Variants in RFX7 observed in about 807,000 individuals in gnomAD.
RFX7 encodes the protein DNA-binding protein RFX7.
In RFX7, 26 loss-of-function variants were observed where a neutral mutation model predicts 111.8. The observed-to-expected ratio is 0.23, with a 90% CI of 0.17 to 0.32. The LOEUF is 0.32. Ranked by LOEUF, RFX7 falls within the 10% of genes least tolerant of loss-of-function variation. The pLI, the probability that RFX7 is intolerant of heterozygous loss-of-function variation, is 1.00. For missense variants in RFX7, 1,573 were observed against 1,772.9 expected (o/e 0.89, Z 2.02); for synonymous variants, 624 against 624.4 (o/e 1.00, Z 0.01).
intron 3 of RFX7, among the ~76,000 whole-genome samples, chr15:56,150,384 G>C (rs1347167654): frequency 1.3e-5 from 2 of 152,196 alleles, no homozygotes; most frequent in Admixed American, 6.5e-5. Flanking sequence ...CCCAGATGGG[G>C]CCGACAGACA....
chr15:56,240,504 A>C (rs1488020716), intron 2 of RFX7, among the ~76,000 whole-genome samples: 1 of 152,178 alleles, frequency 6.6e-6, no homozygotes, highest in Non-Finnish European at 1.5e-5. Flanking sequence ...ATTTCAGTTT[A>C]ATAAACAGAG....
chr15:56,142,949 C>T (rs750820189), intron 4 of RFX7, 49 bp from the exon 5 acceptor site: 19 of 1,601,432 alleles, frequency 1.2e-5, no homozygotes, highest in East Asian at 6.7e-5. Context: ...AATTCATTAA[C>T]GATTTTTGAG....
Position 56,243,857 on chromosome 15 carries a change from G to T in RFX7, c.-415C>A, listed in dbSNP as rs562257213. 2.1e-3 allele frequency among the ~76,000 whole-genome samples: 314 copies of T among 147,500 alleles called. 2 individuals carry two copies. Among genetic ancestry groups the T allele is most frequent in the African/African-American group, 7.4e-3 (302 of 41,014 alleles). On this transcript the variant is annotated 5_prime_UTR_variant, in exon 1 of 10. Transcript: ENST00000559447. ...GGCCGCCGCTGCCCTGCCAGCCCCG[G>T]AGGCAGCCCAGTGCGCGCAGCCGCA...
intron 2 of RFX7, among the ~76,000 whole-genome samples, chr15:56,197,389 A>C (rs950703904): frequency 6.6e-6 from 1 of 152,122 alleles, no homozygotes; most frequent in African/African-American, 2.4e-5. Flanking sequence ...CTTTATGAAA[A>C]GTGCTTTTGA....
In RFX7 at chr15:56,093,475, G is replaced by A. The variant is rs1595917406; in HGVS notation, c.4253C>T (p.Ala1418Val). 1 of 1,613,862 alleles carries A rather than the reference G, an allele frequency of 6.2e-7. No homozygotes were observed. ...GTCATTCTTTAATTCTTCCAGTGTA[G>A]CTTCATCATCTTGTCCCTGCTGACG... ...PGRQQGQDDE[A>V]TLEELKNDPL... The change falls in exon 10 of 10, where the codon GCT becomes GTT. Residue 1418 changes from alanine (A) to valine (V), a missense_variant. Physicochemically the swap from Ala to Val is moderately conservative, Grantham distance 64 (BLOSUM62 0). Coordinates refer to ENST00000559447, the MANE Select transcript of RFX7 (RefSeq NM_022841.7).
At chr15:56,147,666 C>T (rs537602590) in intron 3 of RFX7, among the ~76,000 whole-genome samples, 81 of 152,228 alleles carry the variant, frequency 5.3e-4, no homozygotes, top group African/African-American at 1.8e-3. Flanking sequence ...CTCCGCCCCC[C>T]GGGTTCACAC....
rs1464240336 is a variant in RFX7, at chr15:56,152,437, C to G, written c.196-7954G>C. ...TACAAATACATGGAAACTGAACAAC[C>G]TGCTCCTGAATGACTACTGGGTAAA... On this transcript the variant is annotated intron_variant, in intron 3 of 9. Transcript: ENST00000559447. 2.0e-5 allele frequency among the ~76,000 whole-genome samples: 3 copies of G among 152,244 alleles called. No individual in the cohort carries two copies. In the East Asian group the frequency reaches 5.8e-4, roughly 29 times the overall value.
At chr15:56,134,369 C>T (rs1270877692) in intron 5 of RFX7, among the ~76,000 whole-genome samples, 1 of 152,080 alleles carries the variant, frequency 6.6e-6, no homozygotes, top group Non-Finnish European at 1.5e-5. Context: ...TGTGGAAATG[C>T]TATGGGGGAA....
At chr15:56,096,722 T>C (rs931786700) in intron 9 of RFX7, 102 bp from the exon 10 acceptor site, 23 of 1,303,162 alleles carry the variant, frequency 1.8e-5, no homozygotes, top group Non-Finnish European at 2.2e-5. Flanking sequence ...ATGTTAATGT[T>C]AAAAAGAAAA....
chr15:56,220,545 T>C (rs1244660497), intron 2 of RFX7, among the ~76,000 whole-genome samples: 3 of 152,138 alleles, frequency 2.0e-5, no homozygotes, highest in African/African-American at 7.2e-5. Context: ...GTTTTTTTTT[T>C]CTGCTTAATT....
At chr15:56,145,794 C>T (rs763180335) in intron 3 of RFX7, among the ~76,000 whole-genome samples, 165 of 152,226 alleles carry the variant, frequency 1.1e-3, no homozygotes, top group Non-Finnish European at 2.1e-3. Context: ...ACTGCCACCA[C>T]AGTAGTCTAG....
At position 56,180,528 on chromosome 15, in the gene RFX7, T is replaced by C. The variant is rs952557980; in HGVS notation, c.162-1225A>G. Among the ~76,000 whole-genome samples the C allele has an allele frequency of 3.3e-5, 5 of 152,162 alleles. No individual in the cohort carries two copies. The South Asian group carries it at 1.0e-3, about 32-fold the overall frequency. On this transcript the variant is annotated intron_variant, in intron 2 of 9. Coordinates refer to ENST00000559447, the MANE Select transcript of RFX7 (RefSeq NM_022841.7). ...CAATAACTCCCAGTTTCCTCTGAGA[T>C]GTGAGAGTAATCTACATATTAAGAA...
Position 56,094,804 on chromosome 15 carries a change from A to G in RFX7, c.2924T>C (p.Leu975Pro). 6.3e-7 allele frequency: 1 copy of G among 1,593,084 alleles called. No individual in the cohort carries two copies. Among genetic ancestry groups the G allele is most frequent in the Non-Finnish European group, 8.6e-7 (1 of 1,169,078 alleles). Residue 975 changes from leucine (L) to proline (P), a missense_variant, in exon 10 of 10, where the codon CTG becomes CCG. Leu to Pro is a moderately conservative substitution (Grantham distance 98). This residue lies in a region of RFX7 where 625 missense variants were observed against 632.2 expected (regional missense o/e 0.99). Coordinates refer to ENST00000559447, the MANE Select transcript of RFX7 (RefSeq NM_022841.7). ...CCTGGAGCAAGGGCTCTCCCGTGAC[A>G]GACTCTGAGATCCAGCAATCATTTC... Reference protein sequence around the residue: ...TSEMIAGSQSLSRESPCSRLA... With the variant: ...TSEMIAGSQSPSRESPCSRLA...
intron 3 of RFX7, among the ~76,000 whole-genome samples, chr15:56,156,320 AAC>A (rs1318628267): frequency 3.3e-5 from 5 of 152,110 alleles, no homozygotes; most frequent in African/African-American, 9.7e-5. Flanking sequence ...AAGTATTTCA[AAC>A]ACAGTAGAGA....
intron 5 of RFX7, among the ~76,000 whole-genome samples, chr15:56,113,958 GAAGTAC>G (rs1156585687): frequency 2.5e-4 from 38 of 152,304 alleles, no homozygotes; most frequent in African/African-American, 8.7e-4. Context: ...AAAGACAAAT[GAAGTAC>G]AAGTAATATG....
intron 3 of RFX7, among the ~76,000 whole-genome samples, chr15:56,154,652 A>G (rs2042625272): frequency 6.6e-6 from 1 of 152,210 alleles, no homozygotes; most frequent in Non-Finnish European, 1.5e-5. Flanking sequence ...AAAGACTTAA[A>G]CGTAAGACCT....
At chr15:56,195,853 C>T (rs1002869548) in intron 2 of RFX7, among the ~76,000 whole-genome samples, 1 of 152,054 alleles carries the variant, frequency 6.6e-6, no homozygotes, top group Non-Finnish European at 1.5e-5. Flanking sequence ...TAAGAAGTTC[C>T]CTAATATACG....
At chr15:56,239,281 T>TG (rs1596031203) in intron 2 of RFX7, among the ~76,000 whole-genome samples, 1 of 152,048 alleles carries the variant, frequency 6.6e-6, no homozygotes, top group Non-Finnish European at 1.5e-5. Context: ...TATACAATTT[T>TG]TTTTTTAACG....
In RFX7 at chr15:56,094,520, T is replaced by C; in HGVS notation, c.3208A>G (p.Ser1070Gly). 6.2e-7 allele frequency: 1 copy of C among 1,613,976 alleles called. No homozygotes were observed. The highest frequency in any genetic ancestry group is 8.5e-7 in the Non-Finnish European group (1 of 1,179,874). Residue 1070 changes from serine to glycine, a missense_variant, in exon 10 of 10, where the codon AGT (serine) becomes GGT (glycine). Physicochemically the swap from Ser to Gly is moderately conservative, Grantham distance 56. Coordinates refer to ENST00000559447, the MANE Select transcript of RFX7 (RefSeq NM_022841.7). ...GAAACTGATGAATTACCAACCCCACTATACCCATTATTCATCCATTCAAGC... is the reference window on the plus strand; with the variant it reads ...GAAACTGATGAATTACCAACCCCACCATACCCATTATTCATCCATTCAAGC... ...TKLEWMNNGY[S>G]GVGNSSVSGH...
Sources: allele counts gnomAD v4.1 joint callset (sites outside exome capture counted in the v4.1 genomes callset), GRCh38; gene constraint gnomAD v4.1.1; regional missense constraint gnomAD v4.1.1; transcripts MANE v1.5; gene names NCBI Gene and HGNC (gene_info 2026-07-23, HGNC 2026-07-21).